Variants in KIF3C observed in about 807,000 individuals in gnomAD.
The protein encoded by KIF3C is kinesin family member 3C.
In KIF3C, 12 loss-of-function variants were observed where a neutral mutation model predicts 67.7. The observed-to-expected ratio is 0.18, with a 90% CI of 0.11 to 0.29. KIF3C has a LOEUF of 0.29. Ranked by LOEUF, KIF3C falls within the 10% of genes least tolerant of loss-of-function variation. The pLI, the probability that KIF3C is intolerant of heterozygous loss-of-function variation, is 1.00. For synonymous variants in KIF3C, 393 were observed against 426.2 expected (o/e 0.92, Z 0.96); for missense variants, 789 against 1,059.6 (o/e 0.74, Z 3.55).
At chr2:25,943,262 C>T (rs1663342580) in intron 5 of KIF3C, among the ~76,000 whole-genome samples, 1 of 152,112 alleles carries the variant, frequency 6.6e-6, no homozygotes. Flanking sequence ...GAGAAGTTTG[C>T]TTCACAGCTG....
intron 1 of KIF3C, among the ~76,000 whole-genome samples, chr2:25,970,317 G>T (rs1664245294): frequency 6.6e-6 from 1 of 152,184 alleles, no homozygotes; most frequent in Non-Finnish European, 1.5e-5. Context: ...TCACTAGTCA[G>T]ATGAAGATTC....
rs540405602 is a variant in KIF3C, at chr2:25,958,337, T to G, written c.1546-1893A>C. 1.4e-4 allele frequency among the ~76,000 whole-genome samples: 21 copies of G among 152,174 alleles called. No homozygotes were observed. Among genetic ancestry groups the G allele is most frequent in the African/African-American group, 5.1e-4 (21 of 41,522 alleles). ...GGCTCATGCCCGTAATCCCAGCACT[T>G]TGGGAAGTTGAGGTGGGCGGATCAT... is the stretch of plus-strand genomic sequence containing the variant. On this transcript the variant is annotated intron_variant, in intron 1 of 7. Coordinates refer to ENST00000264712, the MANE Select transcript of KIF3C (RefSeq NM_002254.8). The surrounding 1 kb of genome is among the most constrained non-coding windows in gnomAD (Gnocchi z 4.5).
At chr2:25,943,630 G>C (rs780418171) in intron 5 of KIF3C, among the ~76,000 whole-genome samples, 18 of 152,280 alleles carry the variant, frequency 1.2e-4, no homozygotes, top group East Asian at 1.2e-3. Context: ...GATCACCTGA[G>C]GTCGGGAGTT....
In KIF3C at chr2:25,973,448, A is replaced by C. The variant is rs563136789; in HGVS notation, c.1545+6925T>G. The stretch of plus-strand genomic sequence containing the variant: ...GTGCACCTGTAATCCCAGCTACTTA[A>C]GAGGCTGAGGCAGGAGAATTGCTTG... On this transcript the variant is annotated intron_variant, in intron 1 of 7. Coordinates refer to ENST00000264712, the MANE Select transcript of KIF3C (RefSeq NM_002254.8). 1.8e-3 allele frequency among the ~76,000 whole-genome samples: 279 copies of C among 151,870 alleles called. 1 individual carries two copies. The Middle Eastern group carries it at 0.034, about 19-fold the overall frequency.
intron 5 of KIF3C, among the ~76,000 whole-genome samples, chr2:25,937,272 C>G (rs1374342787): frequency 6.6e-6 from 1 of 152,250 alleles, no homozygotes; most frequent in Admixed American, 6.5e-5. Flanking sequence ...CAGGGGCCCA[C>G]AGAACAATGG....
chr2:25,976,368 A>G (rs866913595), intron 1 of KIF3C, among the ~76,000 whole-genome samples: 1 of 152,114 alleles, frequency 6.6e-6, no homozygotes, highest in African/African-American at 2.4e-5. Context: ...TCTGTCTTCA[A>G]TTCGTGCCTG....
intron 5 of KIF3C, among the ~76,000 whole-genome samples, chr2:25,947,158 C>A (rs1663466751): frequency 6.6e-6 from 1 of 151,686 alleles, no homozygotes; most frequent in South Asian, 2.1e-4. Context: ...GCATTAGAAT[C>A]CTTTAATAAA....
chr2:25,981,934 T>C lies in KIF3C; in HGVS notation c.-17A>G. ...ACTGGCCATCTTGCTGCTCTGACCTTCCTGCCCCCGAGCCCCTCCGCAGCC... is the reference window on the plus strand; with the variant it reads ...ACTGGCCATCTTGCTGCTCTGACCTCCCTGCCCCCGAGCCCCTCCGCAGCC... On this transcript the variant is annotated 5_prime_UTR_variant, in exon 1 of 8. Coordinates refer to ENST00000264712, the MANE Select transcript of KIF3C (RefSeq NM_002254.8). The surrounding 1 kb of genome is among the most constrained non-coding windows in gnomAD (Gnocchi z 8.2). The C allele has an allele frequency of 6.6e-7, 1 of 1,517,644 alleles. No homozygotes were observed. Among genetic ancestry groups the C allele is most frequent in the South Asian group, 1.3e-5 (1 of 78,660 alleles). 94.0% of individuals were successfully genotyped at this position (1,517,644 alleles called of 1,614,324 possible).
intron 1 of KIF3C, among the ~76,000 whole-genome samples, chr2:25,979,573 A>T (rs1268813988): frequency 2.0e-5 from 3 of 152,150 alleles, no homozygotes; most frequent in Non-Finnish European, 4.4e-5. Context: ...TGGCTAGGCC[A>T]GTCTCTTGGT....
At chr2:25,954,208 G>T in intron 4 of KIF3C, 59 bp downstream of exon 4, 3 of 1,229,518 alleles carry the variant, frequency 2.4e-6, no homozygotes, top group Non-Finnish European at 2.4e-6. Flanking sequence ...GGGGAGGAGA[G>T]GCCTGAGTAA....
At chr2:25,953,390 T>G (rs2149232790) in intron 4 of KIF3C, among the ~76,000 whole-genome samples, 1 of 152,160 alleles carries the variant, frequency 6.6e-6, no homozygotes, top group Admixed American at 6.5e-5. Context: ...AGACAGAGTC[T>G]TGCTCTGTCG....
rs1237444794 is a variant in KIF3C, at chr2:25,926,628, A to T, written c.*2350T>A. On this transcript the variant is annotated 3_prime_UTR_variant, in exon 8 of 8. Transcript: ENST00000264712. Reference sequence around the variant, plus strand: ...GACGATACTCATTCCTTTATTGTCAACTGCATTGATTGGAACAGGGCTGGG... The same window carrying T: ...GACGATACTCATTCCTTTATTGTCATCTGCATTGATTGGAACAGGGCTGGG... 1 of 152,212 alleles carries T rather than the reference A, an allele frequency of 6.6e-6. No homozygotes were observed. Among genetic ancestry groups the T allele is most frequent in the Non-Finnish European group, 1.5e-5 (1 of 68,052 alleles). 9.4% of individuals were successfully genotyped at this position (152,212 alleles called of 1,614,324 possible).
intron 1 of KIF3C, among the ~76,000 whole-genome samples, chr2:25,959,506 C>G (rs1272485819): frequency 6.6e-6 from 1 of 152,056 alleles, no homozygotes; most frequent in East Asian, 1.9e-4. Context: ...GTGGCGCGAT[C>G]TTGGCTCACT....
intron 4 of KIF3C, among the ~76,000 whole-genome samples, chr2:25,952,869 C>T (rs1663660172): frequency 6.6e-6 from 1 of 151,542 alleles, no homozygotes; most frequent in African/African-American, 2.4e-5. Context: ...TTTAAAATAA[C>T]TTAAAGAGTG....
chr2:25,976,240 G>A lies in KIF3C; in HGVS notation c.1545+4133C>T, dbSNP rs141738221. ...TGACCGCATCCCTCTGGCTTCCGGG[G>A]CTGCTTCTGCAGGTTCTCTTTTCTA... is the stretch of plus-strand genomic sequence containing the variant. On this transcript the variant is annotated intron_variant, in intron 1 of 7. Transcript: ENST00000264712. Among the ~76,000 whole-genome samples, 178 of 152,232 alleles carry A rather than the reference G, an allele frequency of 1.2e-3. 3 individuals are homozygous for A. Among genetic ancestry groups the A allele is most frequent in the Middle Eastern group, 0.01 (3 of 294 alleles).
In KIF3C at chr2:25,957,291, C is replaced by T. The variant is rs568412189; in HGVS notation, c.1546-847G>A. Among the ~76,000 whole-genome samples the T allele has an allele frequency of 4.1e-4, 63 of 152,254 alleles. 1 individual carries two copies. The highest frequency in any genetic ancestry group is 5.9e-4 in the Admixed American group (9 of 15,284). ...TAGCAAAGAGGAGAGATTTGAACCT[C>T]GTACCCCCAGTCTCACTCTGTGAAA... On this transcript the variant is annotated intron_variant, in intron 1 of 7. Transcript: ENST00000264712.
At chr2:25,934,351 G>T (rs937032953) in intron 5 of KIF3C, among the ~76,000 whole-genome samples, 1 of 152,028 alleles carries the variant, frequency 6.6e-6, no homozygotes, top group African/African-American at 2.4e-5. Flanking sequence ...GGCCAAAGTG[G>T]GCAGATCACT....
In KIF3C at chr2:25,982,306, C is replaced by T; in HGVS notation, c.-389G>A. The T allele has an allele frequency of 2.5e-6, 1 of 402,186 alleles. No individual in the cohort carries two copies. Among genetic ancestry groups the T allele is most frequent in the Non-Finnish European group, 4.4e-6 (1 of 228,490 alleles). The allele number at this position is 402,186 out of a possible 1,614,324, so 24.9% of individuals were successfully genotyped here. A position where few individuals can be genotyped will look rare whatever the true frequency, so the allele number is the denominator to read the frequency against. Reference sequence around the variant, plus strand: ...GGGGTGGGCGGCGAGCTGTCTTCTCCTCCTTCCTCTAGGGATCCATAGCGT... The same window carrying T: ...GGGGTGGGCGGCGAGCTGTCTTCTCTTCCTTCCTCTAGGGATCCATAGCGT... On this transcript the variant is annotated 5_prime_UTR_variant, in exon 1 of 8. Coordinates refer to ENST00000264712, the MANE Select transcript of KIF3C (RefSeq NM_002254.8).
Position 25,981,039 on chromosome 2 carries a change from G to A in KIF3C, c.879C>T (p.Ile293=). 2 of 1,614,222 alleles carry A rather than the reference G, an allele frequency of 1.2e-6. No individual in the cohort carries two copies. Among genetic ancestry groups the A allele is most frequent in the Non-Finnish European group, 1.7e-6 (2 of 1,180,036 alleles). ...TGCCCAGGGCAGATAATGAGAGGTT[G>A]ATTTTGGAGGCTTCCTTAGGCCTCT... ...GGERPKEASK[I]NLSLSALGNV... Residue 293 remains isoleucine, a synonymous_variant, in exon 1 of 8, where the codon ATC becomes ATT. Coordinates refer to ENST00000264712, the MANE Select transcript of KIF3C (RefSeq NM_002254.8). The surrounding 1 kb of genome is among the most constrained non-coding windows in gnomAD (Gnocchi z 8.2).
Sources: gnomAD v4.1 joint callset for allele counts (sites outside exome capture counted in the v4.1 genomes callset) on GRCh38, gnomAD v4.1.1 for gene constraint, Gnocchi (gnomAD v3.1) non-coding constraint, MANE v1.5 for transcripts, NCBI Gene and HGNC (gene_info 2026-07-23, HGNC 2026-07-21) for gene names.